MAGI1: variants seen among roughly 807,000 people sequenced by gnomAD.
MAGI1 encodes the protein membrane-associated guanylate kinase, WW and PDZ domain-containing protein 1.
In MAGI1, 58 loss-of-function variants were observed where a neutral mutation model predicts 139.9. That is an observed-to-expected ratio of 0.41 (90% CI 0.34 to 0.52). The LOEUF is 0.52. Among genes scored for constraint, MAGI1 ranks in the 20% least tolerant of loss-of-function variants. The pLI, the probability that MAGI1 is intolerant of heterozygous loss-of-function variation, is 0.12. For synonymous variants in MAGI1, 812 were observed against 737.9 expected (o/e 1.10, Z -1.63); for missense variants, 1,874 against 1,901.6 (o/e 0.99, Z 0.27).
At chr3:65,782,710 T>C (rs997085826) in intron 1 of MAGI1, among the ~76,000 whole-genome samples, 1 of 151,478 alleles carries the variant, frequency 6.6e-6, no homozygotes, top group Non-Finnish European at 1.5e-5. Context: ...GGACTCTGTT[T>C]AGTCAAGTTG....
In MAGI1 at chr3:65,360,831, G is replaced by A. The variant is rs555712920; in HGVS notation, c.3634+368C>T. On this transcript the variant is annotated intron_variant, in intron 22 of 22. Transcript: ENST00000402939. Reference sequence around the variant, plus strand: ...CCTCAACATATCACTCAGGAAACCTGCTTTCCTGCTTCTTAAAAGGAGTAT... The same window carrying A: ...CCTCAACATATCACTCAGGAAACCTACTTTCCTGCTTCTTAAAAGGAGTAT... 84 of 1,091,022 alleles carry A rather than the reference G, an allele frequency of 7.7e-5. 1 individual carries two copies. In the South Asian group the frequency reaches 2.9e-3, roughly 38 times the overall value. 67.6% of individuals were successfully genotyped at this position (1,091,022 alleles called of 1,614,324 possible).
At chr3:65,822,081 G>T (rs991996889) in intron 1 of MAGI1, among the ~76,000 whole-genome samples, 1 of 152,132 alleles carries the variant, frequency 6.6e-6, no homozygotes, top group Non-Finnish European at 1.5e-5. Context: ...ACACCACAGG[G>T]ATGGGATCAG....
At chr3:65,475,470 T>C (rs1232308164) in intron 4 of MAGI1, among the ~76,000 whole-genome samples, 1 of 152,184 alleles carries the variant, frequency 6.6e-6, no homozygotes, top group Non-Finnish European at 1.5e-5. Context: ...CGCCTCAGTT[T>C]CCCAAAGTGC....
chr3:65,961,505 C>A (rs2064421275), intron 1 of MAGI1, among the ~76,000 whole-genome samples: 1 of 152,090 alleles, frequency 6.6e-6, no homozygotes, highest in Admixed American at 6.6e-5. Flanking sequence ...CATGTAAAAA[C>A]CCCCCAAAAA....
At chr3:65,442,588 C>T (rs764597821) in intron 8 of MAGI1, among the ~76,000 whole-genome samples, 1 of 152,056 alleles carries the variant, frequency 6.6e-6, no homozygotes, top group Non-Finnish European at 1.5e-5. Context: ...GGATCCTGCC[C>T]ATGTGAATTT....
At position 65,999,971 on chromosome 3, in the gene MAGI1, G is replaced by A. The variant is rs1014493246; in HGVS notation, c.313+38025C>T. Reference sequence around the variant, plus strand: ...GTTAATCAGGTCTTGTTCCCCCCACGCTTTTTTTTTTTTTTTTTTGATACG... The same window carrying A: ...GTTAATCAGGTCTTGTTCCCCCCACACTTTTTTTTTTTTTTTTTTGATACG... On this transcript the variant is annotated intron_variant, in intron 1 of 22. Coordinates refer to ENST00000402939, the MANE Select transcript of MAGI1 (RefSeq NM_001033057.2). Among the ~76,000 whole-genome samples the A allele has an allele frequency of 3.8e-4, 23 of 60,854 alleles. 1 individual carries two copies. In the Admixed American group the frequency reaches 4.4e-3, roughly 12 times the overall value. The allele number at this position is 60,854 out of a possible 152,430, so 39.9% of individuals were successfully genotyped here.
intron 1 of MAGI1, among the ~76,000 whole-genome samples, chr3:65,816,435 G>A (rs1205552486): frequency 6.6e-6 from 1 of 152,164 alleles, no homozygotes; most frequent in East Asian, 1.9e-4. Flanking sequence ...ACATGGGGTA[G>A]TGGGAACTGT....
intron 1 of MAGI1, among the ~76,000 whole-genome samples, chr3:65,868,524 G>T (rs1317275902): frequency 1.3e-5 from 2 of 152,112 alleles, no homozygotes; most frequent in African/African-American, 4.8e-5. Context: ...ATGCCTTAGT[G>T]TCTCATTGTA....
chr3:65,742,374 C>G (rs961726607), intron 1 of MAGI1, among the ~76,000 whole-genome samples: 5 of 152,116 alleles, frequency 3.3e-5, no homozygotes, highest in Middle Eastern at 3.2e-3. Context: ...ATACCCAGAG[C>G]CTGCTTCTCA....
intron 1 of MAGI1, among the ~76,000 whole-genome samples, chr3:65,947,264 C>A (rs1672743105): frequency 1.3e-5 from 2 of 152,090 alleles, no homozygotes. Flanking sequence ...AGATAATAGG[C>A]CCCTATCATT....
chr3:65,464,081 T>G (rs879801218), intron 5 of MAGI1, among the ~76,000 whole-genome samples: 6 of 152,154 alleles, frequency 3.9e-5, no homozygotes, highest in Non-Finnish European at 8.8e-5. Context: ...GACTTTAGGG[T>G]CCATAGTGAC....
chr3:65,905,146 A>C (rs901473662), intron 1 of MAGI1, among the ~76,000 whole-genome samples: 4 of 152,182 alleles, frequency 2.6e-5, no homozygotes, highest in Admixed American at 6.5e-5. Context: ...AATCTGGTTT[A>C]TGTGATTTAA....
intron 5 of MAGI1, among the ~76,000 whole-genome samples, chr3:65,455,574 T>A (rs1949337126): frequency 6.6e-6 from 1 of 151,814 alleles, no homozygotes; most frequent in African/African-American, 2.4e-5. Context: ...ATTAGCCAGG[T>A]GTGGTGGCAC....
intron 21 of MAGI1, among the ~76,000 whole-genome samples, chr3:65,362,240 G>T (rs1365592957): frequency 6.6e-6 from 1 of 152,116 alleles, no homozygotes; most frequent in Non-Finnish European, 1.5e-5. Context: ...GGTAATACAT[G>T]TAAACCTGTC....
At chr3:65,782,613 C>CACA (rs1491378011) in intron 1 of MAGI1, among the ~76,000 whole-genome samples, 1 of 60,544 alleles carries the variant, frequency 1.7e-5, no homozygotes, top group Non-Finnish European at 3.0e-5. Context: ...ATTTCTTAAG[C>CACA]AAAAAAAAAA....
intron 12 of MAGI1, among the ~76,000 whole-genome samples, chr3:65,417,876 G>A (rs1575671708): frequency 1.3e-5 from 2 of 152,252 alleles, no homozygotes; most frequent in Middle Eastern, 3.4e-3. Flanking sequence ...ACTGCCCATG[G>A]ACCAGTTGGT....
At chr3:65,875,943 T>G (rs982822058) in intron 1 of MAGI1, among the ~76,000 whole-genome samples, 1 of 151,974 alleles carries the variant, frequency 6.6e-6, no homozygotes, top group Non-Finnish European at 1.5e-5. Context: ...CCAGTCCACA[T>G]TAAAGCAAGT....
At chr3:65,973,175 T>C (rs2065091620) in intron 1 of MAGI1, among the ~76,000 whole-genome samples, 1 of 151,904 alleles carries the variant, frequency 6.6e-6, no homozygotes, top group Non-Finnish European at 1.5e-5. Context: ...AAATAAAATA[T>C]AAAATAAAAT....
At chr3:65,973,432 G>A (rs988524564) in intron 1 of MAGI1, among the ~76,000 whole-genome samples, 1 of 152,098 alleles carries the variant, frequency 6.6e-6, no homozygotes, top group Non-Finnish European at 1.5e-5. Flanking sequence ...GACTATTGCA[G>A]CTCCCATGAT....
Sources: gnomAD v4.1 joint callset for allele counts (sites outside exome capture counted in the v4.1 genomes callset) on GRCh38, gnomAD v4.1.1 for gene constraint, MANE v1.5 for transcripts, NCBI Gene and HGNC (gene_info 2026-07-23, HGNC 2026-07-21) for gene names.